Variants in ZNF841 observed in about 807,000 individuals in gnomAD.
ZNF841 encodes the protein zinc finger protein 841, also known as TCONS_00006091.
In ZNF841, 11 loss-of-function variants were observed where a neutral mutation model predicts 13.0. That is an observed-to-expected ratio of 0.85 (90% confidence interval 0.53 to 1.40). The LOEUF (loss-of-function observed/expected upper bound fraction) is 1.40. Among genes scored for constraint, ZNF841 ranks in the 40% most tolerant of loss-of-function variants. The pLI is 0.00. For synonymous variants in ZNF841, 369 were observed against 381.6 expected, an observed-to-expected ratio of 0.97 and a Z score of 0.38; for missense variants, 1,068 against 1,139.5, an observed-to-expected ratio of 0.94 and a Z score of 0.90.
At chr19:52,063,872 T>C (rs570226943), downstream of ZNF841, among the ~76,000 whole-genome samples, 5 of 152,314 alleles carry the variant, frequency 3.3e-5, no homozygotes, top group East Asian at 5.8e-4. Context: ...TCTCAAGTAG[T>C]GACTGAACTC....
chr19:52,076,878 G>T, intron 5 of ZNF841, 80 bp downstream of exon 5: 1 of 1,527,284 alleles, frequency 6.5e-7, no homozygotes, highest in Non-Finnish European at 9.0e-7. Flanking sequence ...AATAATGTAG[G>T]GCCTCACAAG....
chr19:52,079,886 G>T (rs1010226916), intron 4 of ZNF841, among the ~76,000 whole-genome samples: 6 of 151,804 alleles, frequency 4.0e-5, no homozygotes, highest in African/African-American at 1.2e-4. Flanking sequence ...AGCTACTAGG[G>T]AGGCTGAGCC....
chr19:52,086,273 T>C (rs537286993), intron 3 of ZNF841, among the ~76,000 whole-genome samples: 1 of 152,156 alleles, frequency 6.6e-6, no homozygotes, highest in Non-Finnish European at 1.5e-5. Flanking sequence ...GGATGGATCA[T>C]GGGGGTGGAT....
chr19:52,063,663 A>G (rs2087443587), downstream of ZNF841: 1 of 152,176 alleles, frequency 6.6e-6, no homozygotes, highest in Admixed American at 6.5e-5. Flanking sequence ...GATTTTTAAA[A>G]AGGCTTACCA....
rs2123223786 is a variant in ZNF841 at position 52,067,539 on chromosome 19, C to T, written c.343G>A (p.Ala115Thr). 1 of 1,599,148 alleles carries T rather than the reference C, an allele frequency of 6.3e-7. No individual in the cohort carries two copies. The highest frequency in any genetic ancestry group is 8.5e-7 in the Non-Finnish European group (1 of 1,174,372). ...QNSNTGEKFQ[A>T]VMLEGHESYD... ...CTTTCATGTCCTTCCAACATCACTG[C>T]TTGGAATTTTTCTCCTGTGTTACTG... is the stretch of plus-strand genomic sequence containing the variant. The change falls in exon 7 of 7, where the codon GCA becomes ACA. Residue 115 changes from alanine to threonine, a missense_variant. Ala to Thr is a moderately conservative substitution (Grantham distance 58, BLOSUM62 0). Transcript: ENST00000594440.
downstream of ZNF841, among the ~76,000 whole-genome samples, chr19:52,060,894 GT>G (rs766960230): frequency 1.6e-4 from 24 of 152,168 alleles, no homozygotes; most frequent in Non-Finnish European, 3.2e-4. Flanking sequence ...AAGTCAGAGG[GT>G]CCGGGCATGT....
At chr19:52,062,468 C>T (rs1369440671), downstream of ZNF841, among the ~76,000 whole-genome samples, 1 of 152,144 alleles carries the variant, frequency 6.6e-6, no homozygotes, top group East Asian at 1.9e-4. Context: ...CCACCATATT[C>T]CATGCTGCTT....
At chr19:52,063,218 G>A (rs2087434620), downstream of ZNF841, among the ~76,000 whole-genome samples, 1 of 151,986 alleles carries the variant, frequency 6.6e-6, no homozygotes. Context: ...CATTTGCAAG[G>A]TTTCTATCCA....
downstream of ZNF841, among the ~76,000 whole-genome samples, chr19:52,064,207 G>C (rs527942890): frequency 6.6e-6 from 1 of 151,658 alleles, no homozygotes; most frequent in Non-Finnish European, 1.5e-5. Flanking sequence ...TTAGCCGGGC[G>C]CGGTGGCGAG....
intron 4 of ZNF841, among the ~76,000 whole-genome samples, chr19:52,077,386 G>A (rs1051650708): frequency 6.6e-6 from 1 of 152,204 alleles, no homozygotes; most frequent in African/African-American, 2.4e-5. Flanking sequence ...GAGGTGTCCA[G>A]ATGAGCTAGA....
At chr19:52,059,840 C>G (rs1320599728), downstream of ZNF841, among the ~76,000 whole-genome samples, 1 of 152,160 alleles carries the variant, frequency 6.6e-6, no homozygotes, top group Non-Finnish European at 1.5e-5. Flanking sequence ...CAAACCTCTA[C>G]CTTTTCTGCC....
chr19:52,061,110 G>T (rs2087389046), downstream of ZNF841, among the ~76,000 whole-genome samples: 1 of 152,222 alleles, frequency 6.6e-6, no homozygotes, highest in Admixed American at 6.5e-5. Flanking sequence ...CCTAAAGGGG[G>T]GATGCCCCAG....
Position 52,065,591 on chromosome 19 carries a change from G to C in ZNF841, c.2291C>G (p.Pro764Arg), listed in dbSNP as rs745896093. 3 of 1,613,702 alleles carry C rather than the reference G, an allele frequency of 1.9e-6. No homozygotes were observed. Among genetic ancestry groups the C allele is most frequent in the Non-Finnish European group, 2.5e-6 (3 of 1,179,792 alleles). ...RHRRIHTGEK[P>R]YKCNECGKVF... is the part of the protein sequence containing the mutation. ...CTTGCCACATTCATTACATTTGTAA[G>C]GTTTCTCTCCAGTATGAATTCTCCG... Residue 764 changes from proline (P) to arginine (R), a missense_variant, in exon 7 of 7, where the codon CCT (proline) becomes CGT (arginine). Physicochemically the swap from Pro to Arg is moderately radical, Grantham distance 103. Coordinates refer to ENST00000594440, the MANE Select transcript of ZNF841 (RefSeq NM_001136499.2).
chr19:52,084,507 A>T (rs1241197802), intron 4 of ZNF841, among the ~76,000 whole-genome samples: 1 of 152,190 alleles, frequency 6.6e-6, no homozygotes, highest in Non-Finnish European at 1.5e-5. Context: ...CTGCTGCCCA[A>T]AAGCTGACAC....
chr19:52,092,158 A>AG (rs2088519000), intron 2 of ZNF841, among the ~76,000 whole-genome samples: 1 of 143,818 alleles, frequency 7.0e-6, no homozygotes, highest in Admixed American at 6.9e-5. Context: ...GGGGTGGGGG[A>AG]GGGGCAAAGC....
In ZNF841 at chr19:52,065,443, C is replaced by T. The variant is rs539659092; in HGVS notation, c.2439G>A (p.Met813Ile). 5.6e-6 allele frequency: 9 copies of T among 1,613,344 alleles called. No individual in the cohort carries two copies. Among genetic ancestry groups the T allele is most frequent in the Non-Finnish European group, 6.8e-6 (8 of 1,179,808 alleles). Residue 813 changes from methionine (M) to isoleucine (I), a missense_variant, in exon 7 of 7, where the codon ATG becomes ATA. Transcript: ENST00000594440. ...TATAAGGTTTCTCTCCAGTATGCAT[C>T]ATCTGATGATTAAGCAGAATTGAAC... ...RVRSILLNHQ[M>I]MHTGEKPYKC...
chr19:52,060,905 T>C (rs1053869156), downstream of ZNF841, among the ~76,000 whole-genome samples: 1 of 152,170 alleles, frequency 6.6e-6, no homozygotes, highest in East Asian at 1.9e-4. Flanking sequence ...TCCGGGCATG[T>C]GGTCTGTGTG....
intron 4 of ZNF841, among the ~76,000 whole-genome samples, chr19:52,078,463 G>A (rs2087979221): frequency 6.6e-6 from 1 of 152,112 alleles, no homozygotes; most frequent in African/African-American, 2.4e-5. Flanking sequence ...ACTTTGGGAG[G>A]CCGAGGTGGG....
chr19:52,077,355 A>G lies in ZNF841; in HGVS notation c.16-271T>C, dbSNP rs574114758. Among the ~76,000 whole-genome samples, 5 of 152,346 alleles carry G rather than the reference A, an allele frequency of 3.3e-5. No individual in the cohort carries two copies. The East Asian group carries it at 9.6e-4, about 29-fold the overall frequency. On this transcript the variant is annotated intron_variant, in intron 4 of 6. Coordinates refer to ENST00000594440, the MANE Select transcript of ZNF841 (RefSeq NM_001136499.2). ...GGTTATCCCTATGAAAGTTTTAGAT[A>G]TTACATTTGTTACACCAAGTGAGGT...
Sources: gnomAD v4.1 joint callset for allele counts (sites outside exome capture counted in the v4.1 genomes callset) on GRCh38, gnomAD v4.1.1 for gene constraint, MANE v1.5 for transcripts, NCBI Gene and HGNC (gene_info 2026-07-23, HGNC 2026-07-21) for gene names.